The following CRIM1 variants were observed in gnomAD, a reference collection of about 807,000 sequenced individuals.
CRIM1 encodes the protein cysteine rich transmembrane BMP regulator 1.
Under a neutral mutation model 116.4 loss-of-function variants are expected in CRIM1, and 32 were observed. The observed-to-expected ratio is 0.27, with a 90% CI of 0.21 to 0.37. The LOEUF is 0.37. CRIM1 is among the 10% of genes least tolerant of loss of function. CRIM1 has a pLI of 1.00. For missense variants in CRIM1, 1,331 were observed against 1,354.8 expected, an observed-to-expected ratio of 0.98 and a Z score of 0.28; for synonymous variants, 590 against 509.2, an observed-to-expected ratio of 1.16 and a Z score of -2.13.
intron 2 of CRIM1, among the ~76,000 whole-genome samples, chr2:36,441,014 T>C (rs1675776604): frequency 6.6e-6 from 1 of 152,212 alleles, no homozygotes; most frequent in Non-Finnish European, 1.5e-5. Flanking sequence ...AGATGTTCAT[T>C]GTTTAACACA....
chr2:36,512,574 C>T (rs1664762522), intron 10 of CRIM1, among the ~76,000 whole-genome samples, 180 bp downstream of exon 10: 1 of 152,158 alleles, frequency 6.6e-6, no homozygotes, highest in Non-Finnish European at 1.5e-5. Context: ...GAAGTAAAAG[C>T]TCAGAATAGA....
At chr2:36,449,759 T>G (rs966445787) in intron 4 of CRIM1, among the ~76,000 whole-genome samples, 3 of 151,982 alleles carry the variant, frequency 2.0e-5, no homozygotes, top group African/African-American at 7.3e-5. Flanking sequence ...TTTAGGAAAT[T>G]TCAGAGCTCA....
At chr2:36,378,183 T>A (rs1670462954) in intron 1 of CRIM1, among the ~76,000 whole-genome samples, 1 of 152,228 alleles carries the variant, frequency 6.6e-6, no homozygotes, top group Non-Finnish European at 1.5e-5. Flanking sequence ...CCTACTGGGC[T>A]TCTGTGTAGC....
intron 1 of CRIM1, among the ~76,000 whole-genome samples, chr2:36,366,717 A>G (rs1669626663): frequency 6.6e-6 from 1 of 152,244 alleles, no homozygotes; most frequent in Admixed American, 6.5e-5. Context: ...TACAAGAGGT[A>G]ACTTATTTAG....
chr2:36,456,287 C>T (rs1336089999), intron 4 of CRIM1, among the ~76,000 whole-genome samples: 1 of 152,212 alleles, frequency 6.6e-6, no homozygotes, highest in Non-Finnish European at 1.5e-5. Context: ...TTAGTACCTG[C>T]TGCATGTACA....
In CRIM1 at chr2:36,356,268, G is replaced by A. The variant is rs1356647242; in HGVS notation, c.-25G>A. 8 of 1,336,848 alleles carry A rather than the reference G, an allele frequency of 6.0e-6. No individual in the cohort carries two copies. Among genetic ancestry groups the A allele is most frequent in the Non-Finnish European group, 6.9e-6 (7 of 1,018,136 alleles). The allele number at this position is 1,336,848 out of a possible 1,614,324, so 82.8% of individuals were successfully genotyped here. On this transcript the variant is annotated 5_prime_UTR_variant, in exon 1 of 17. Transcript: ENST00000280527. The surrounding 1 kb of genome is among the most constrained non-coding windows in gnomAD (Gnocchi z 4.3). Reference sequence around the variant, plus strand: ...GCCCCGCTCCCGGCCCGGCTGCGAGGAGGAGGCGGCGGCGGCGCAGGAGGA... The same window carrying A: ...GCCCCGCTCCCGGCCCGGCTGCGAGAAGGAGGCGGCGGCGGCGCAGGAGGA...
chr2:36,444,423 G>A (rs954371703), intron 4 of CRIM1, among the ~76,000 whole-genome samples: 3 of 152,206 alleles, frequency 2.0e-5, no homozygotes, highest in South Asian at 2.1e-4. Flanking sequence ...CCACCTGCCC[G>A]GAATGCTTAC....
intron 1 of CRIM1, among the ~76,000 whole-genome samples, chr2:36,390,110 A>G (rs1671461563): frequency 6.6e-6 from 1 of 152,232 alleles, no homozygotes; most frequent in South Asian, 2.1e-4. Context: ...AGAATATTGA[A>G]AGATATTCTT....
chr2:36,434,755 G>T (rs1222488279), intron 2 of CRIM1, among the ~76,000 whole-genome samples: 1 of 152,138 alleles, frequency 6.6e-6, no homozygotes, highest in East Asian at 1.9e-4. Flanking sequence ...CCTATTAATT[G>T]TATCAGTTTA....
In CRIM1 at chr2:36,517,456, G is replaced by A. The variant is rs368718560; in HGVS notation, c.2120G>A (p.Arg707Gln). The A allele has an allele frequency of 3.4e-5, 55 of 1,614,210 alleles. No homozygotes were observed. The highest frequency in any genetic ancestry group is 2.9e-4 in the East Asian group (13 of 44,878). The change falls in exon 12 of 17, where the codon CGG (arginine) becomes CAG (glutamine). Residue 707 changes from arginine to glutamine, a missense_variant. Arg to Gln is a conservative substitution (Grantham distance 43). Transcript: ENST00000280527. ...SCTQCTCHSG[R>Q]VLCETEVCPP... ...ACTCAGTGCACCTGCCACAGCGGACGGGTGCTGTGTGAGACAGAGGTGTGC... is the reference window on the plus strand; with the variant it reads ...ACTCAGTGCACCTGCCACAGCGGACAGGTGCTGTGTGAGACAGAGGTGTGC...
chr2:36,533,165 A>T (rs1666230056), intron 13 of CRIM1, among the ~76,000 whole-genome samples: 1 of 152,178 alleles, frequency 6.6e-6, no homozygotes, highest in Non-Finnish European at 1.5e-5. Context: ...TAATTTATAG[A>T]ACCTCGAATT....
chr2:36,500,200 A>G (rs1680888967), intron 8 of CRIM1, among the ~76,000 whole-genome samples: 1 of 152,112 alleles, frequency 6.6e-6, no homozygotes, highest in African/African-American at 2.4e-5. Flanking sequence ...GCATGGTGGT[A>G]TGCGCCAGTG....
chr2:36,521,516 G>A (rs531871158), intron 12 of CRIM1, among the ~76,000 whole-genome samples: 2 of 152,324 alleles, frequency 1.3e-5, no homozygotes, highest in South Asian at 4.1e-4. Context: ...TTTGGAGGCA[G>A]ATGTTTATCA....
chr2:36,503,002 G>A (rs7571475), intron 8 of CRIM1, among the ~76,000 whole-genome samples: 40,489 of 152,078 alleles, frequency 0.27, 5,707 homozygotes, highest in South Asian at 0.43. Context: ...CTTCAACACT[G>A]ATTGGAATTT....
At chr2:36,480,751 AT>A (rs1679350790) in intron 7 of CRIM1, among the ~76,000 whole-genome samples, 1 of 152,126 alleles carries the variant, frequency 6.6e-6, no homozygotes, top group African/African-American at 2.4e-5. Flanking sequence ...GACATCACCG[AT>A]TCCCTTGTCA....
intron 7 of CRIM1, among the ~76,000 whole-genome samples, chr2:36,489,566 C>A (rs1428262505): frequency 6.6e-6 from 1 of 152,094 alleles, no homozygotes; most frequent in Non-Finnish European, 1.5e-5. Flanking sequence ...ATGAGGAGCC[C>A]CTACAATTCT....
At chr2:36,543,066 TC>T (rs1239646775) in intron 14 of CRIM1, among the ~76,000 whole-genome samples, 1 of 152,202 alleles carries the variant, frequency 6.6e-6, no homozygotes, top group Admixed American at 6.5e-5. Flanking sequence ...CTATAATTGT[TC>T]CCAGTTCTTT....
intron 11 of CRIM1, among the ~76,000 whole-genome samples, chr2:36,514,401 C>G (rs932941455): frequency 6.6e-6 from 1 of 152,158 alleles, no homozygotes; most frequent in Non-Finnish European, 1.5e-5. Flanking sequence ...CCATAAACTT[C>G]ATCTAGTACG....
At chr2:36,395,866 C>T (rs1008732040) in intron 1 of CRIM1, among the ~76,000 whole-genome samples, 2 of 152,164 alleles carry the variant, frequency 1.3e-5, no homozygotes, top group Non-Finnish European at 2.9e-5. Context: ...TGATTATTAG[C>T]TGCCTTAATG....
Sources: allele counts gnomAD v4.1 joint callset (sites outside exome capture counted in the v4.1 genomes callset), GRCh38; gene constraint gnomAD v4.1.1; non-coding constraint Gnocchi (gnomAD v3.1); transcripts MANE v1.5; gene names NCBI Gene and HGNC (gene_info 2026-07-23, HGNC 2026-07-21).